SCML4: variants seen among roughly 807,000 people sequenced by gnomAD.
SCML4 encodes sex comb on midleg-like protein 4.
SCML4 carries 34 observed loss-of-function variants against 41.1 expected under a neutral mutation model. The ratio of observed to expected loss-of-function variants is 0.83; its 90% CI spans 0.63 to 1.10. SCML4 has a LOEUF of 1.10. Ranked by LOEUF, SCML4 falls within the 50% of genes least tolerant of loss-of-function variation. SCML4 has a pLI of 0.00. For missense variants in SCML4, 522 were observed against 534.1 expected (o/e 0.98, Z 0.22); for synonymous variants, 214 against 220.9 (o/e 0.97, Z 0.28).
the SCML4 span, among the ~76,000 whole-genome samples, chr6:107,831,411 CAAAAA>C: frequency 3.6e-3 from 382 of 107,488 alleles, 1 homozygote; most frequent in African/African-American, 0.013. Context: ...TTTTCATTCT[CAAAAA>C]AAAAAAAAAA....
intron 1 of SCML4, among the ~76,000 whole-genome samples, chr6:107,773,832 C>T (rs1210017460): frequency 6.6e-6 from 1 of 152,108 alleles, no homozygotes; most frequent in Admixed American, 6.5e-5. Flanking sequence ...GAGGCTTTTG[C>T]CCAAAAGCTT....
At chr6:107,768,013 C>T (rs747347998) in intron 2 of SCML4, among the ~76,000 whole-genome samples, 5 of 150,294 alleles carry the variant, frequency 3.3e-5, no homozygotes, top group African/African-American at 4.9e-5. Context: ...GTAACCCCAG[C>T]GCTTTGGGAG....
At chr6:107,781,814 A>T (rs1005714280) in intron 1 of SCML4, among the ~76,000 whole-genome samples, 1 of 152,228 alleles carries the variant, frequency 6.6e-6, no homozygotes, top group Non-Finnish European at 1.5e-5. Context: ...GATGTGTCTC[A>T]TAAGTATATG....
intron 1 of SCML4, among the ~76,000 whole-genome samples, chr6:107,780,726 A>AATG (rs1045345871): frequency 1.4e-5 from 2 of 145,378 alleles, no homozygotes; most frequent in Non-Finnish European, 3.0e-5. Context: ...TAATAATAAT[A>AATG]AAACTTAAAA....
At chr6:107,809,144 T>C (rs779469289) in intron 1 of SCML4, among the ~76,000 whole-genome samples, 5 of 152,018 alleles carry the variant, frequency 3.3e-5, no homozygotes, top group Non-Finnish European at 7.4e-5. Context: ...CCTTCTGCCA[T>C]GTAAGGACAC....
intron 2 of SCML4, among the ~76,000 whole-genome samples, chr6:107,768,115 A>AAAAG (rs1554215505): frequency 6.7e-6 from 1 of 149,888 alleles, no homozygotes; most frequent in Non-Finnish European, 1.5e-5. Flanking sequence ...AAAAAAAAAA[A>AAAAG]GTAAAAAAGT....
At chr6:107,813,423 TA>T (rs1336884133) in intron 1 of SCML4, among the ~76,000 whole-genome samples, 1 of 10,444 alleles carries the variant, frequency 9.6e-5, no homozygotes, top group Non-Finnish European at 2.5e-4. Flanking sequence ...TATATATATA[TA>T]AAACTGTAAA....
intron 2 of SCML4, among the ~76,000 whole-genome samples, chr6:107,762,942 A>G (rs975760436): frequency 1.1e-4 from 15 of 132,018 alleles, no homozygotes; most frequent in African/African-American, 4.4e-4. Context: ...TAGTGCAGTG[A>G]CACAATCATG....
At chr6:107,762,026 C>A (rs774585198) in intron 2 of SCML4, among the ~76,000 whole-genome samples, 2 of 151,542 alleles carry the variant, frequency 1.3e-5, no homozygotes, top group Admixed American at 1.3e-4. Flanking sequence ...CTGTATCAAA[C>A]AATAATAATG....
chr6:107,725,234 G>A (rs1486536812), intron 5 of SCML4, among the ~76,000 whole-genome samples: 1 of 152,114 alleles, frequency 6.6e-6, no homozygotes, highest in African/African-American at 2.4e-5. Flanking sequence ...TAAGGCGATG[G>A]ATATCCCAAG....
chr6:107,832,843 A>G, the SCML4 span, among the ~76,000 whole-genome samples: 1 of 152,224 alleles, frequency 6.6e-6, no homozygotes, highest in Admixed American at 6.5e-5. Flanking sequence ...CTGCCCTCTC[A>G]GATACCAATC....
the SCML4 span, among the ~76,000 whole-genome samples, chr6:107,839,335 GAGAGAA>G: frequency 1.7e-3 from 52 of 31,016 alleles, no homozygotes; most frequent in African/African-American, 3.5e-3. Context: ...AAGAAAGAGA[GAGAGAA>G]AAAGAAAGAA....
In SCML4 at chr6:107,704,933, T is replaced by A. The variant is rs6903929; in HGVS notation, c.*267A>T. ...CTCGTTATGCAAATAGGACCCACTT[T>A]AAGAGAAACCAGCATAACAGGGATG... On this transcript the variant is annotated 3_prime_UTR_variant, in exon 8 of 8. Coordinates refer to ENST00000369020, the MANE Select transcript of SCML4 (RefSeq NM_198081.5). The A allele has an allele frequency of 0.32, 161,729 of 506,924 alleles. 27,767 individuals are homozygous for A. Among genetic ancestry groups the A allele is most frequent in the African/African-American group, 0.52 (27,174 of 51,794 alleles). The allele number at this position is 506,924 out of a possible 1,614,324, so 31.4% of individuals were successfully genotyped here.
intron 2 of SCML4, among the ~76,000 whole-genome samples, chr6:107,763,647 A>G (rs1263748393): frequency 6.6e-6 from 1 of 152,158 alleles, no homozygotes; most frequent in Non-Finnish European, 1.5e-5. Flanking sequence ...TCTGCCTCCC[A>G]AAATGCCGGG....
intron 7 of SCML4, among the ~76,000 whole-genome samples, chr6:107,707,286 C>A (rs550673618): frequency 6.6e-6 from 1 of 152,002 alleles, no homozygotes; most frequent in South Asian, 2.1e-4. Flanking sequence ...CCAGCCTGGG[C>A]GACAGAATGA....
At chr6:107,831,442 G>A in the SCML4 span, among the ~76,000 whole-genome samples, 4 of 141,928 alleles carry the variant, frequency 2.8e-5, no homozygotes, top group African/African-American at 5.2e-5. Flanking sequence ...AACCCAGCTC[G>A]TTGGTGAATA....
chr6:107,809,272 C>A (rs1238773985), intron 1 of SCML4, among the ~76,000 whole-genome samples: 1 of 152,222 alleles, frequency 6.6e-6, no homozygotes, highest in Non-Finnish European at 1.5e-5. Flanking sequence ...CCTTCAGAAC[C>A]TTGAGAAATC....
At chr6:107,753,901 AG>A (rs1465293625) in intron 2 of SCML4, among the ~76,000 whole-genome samples, 1 of 152,180 alleles carries the variant, frequency 6.6e-6, no homozygotes, top group African/African-American at 2.4e-5. Context: ...CAGAATACAA[AG>A]GTTTGAATGC....
intron 1 of SCML4, among the ~76,000 whole-genome samples, chr6:107,802,764 T>G (rs1485185230): frequency 7.1e-6 from 1 of 141,328 alleles, no homozygotes; most frequent in Non-Finnish European, 1.5e-5. Context: ...TCCCTCTCCC[T>G]CTCTTTCCAC....
Sources: allele counts gnomAD v4.1 joint callset (sites outside exome capture counted in the v4.1 genomes callset), GRCh38; gene constraint gnomAD v4.1.1; transcripts MANE v1.5; gene names NCBI Gene and HGNC (gene_info 2026-07-23, HGNC 2026-07-21).